KIAA1755: variants seen among roughly 807,000 people sequenced by gnomAD.
The protein encoded by KIAA1755 is KIAA1755, also known as uncharacterized protein KIAA1755.
KIAA1755 carries 68 observed loss-of-function variants against 91.7 expected under a neutral mutation model. That is an observed-to-expected ratio of 0.74 (90% confidence interval 0.61 to 0.91). The LOEUF (loss-of-function observed/expected upper bound fraction) is 0.91. Among genes scored for constraint, KIAA1755 ranks in the 40% least tolerant of loss-of-function variants. The probability of loss-of-function intolerance (pLI) is 0.00; values close to 1 mark genes in which losing one functional copy is unlikely to be tolerated. For missense variants in KIAA1755, 1,535 were observed against 1,494.4 expected, an observed-to-expected ratio of 1.03 and a Z score of -0.45; for synonymous variants, 610 against 604.6, an observed-to-expected ratio of 1.01 and a Z score of -0.13.
Position 38,213,515 on chromosome 20 carries a change from T to C in KIAA1755, c.3130A>G (p.Ile1044Val), listed in dbSNP as rs2075488870. Residue 1044 changes from isoleucine (I) to valine (V), a missense_variant, in exon 14 of 14, where the codon ATC becomes GTC. Physicochemically the swap from Ile to Val is conservative, Grantham distance 29 (BLOSUM62 3). Transcript: ENST00000279024. ...AGTGCCTTCTCCAGGAGCATCCGGATCTCCTCATGCCTGATCCGGGCCTCC... is the reference window on the plus strand; with the variant it reads ...AGTGCCTTCTCCAGGAGCATCCGGACCTCCTCATGCCTGATCCGGGCCTCC... ...WEEARIRHEE[I>V]RMLLEKALTH... 1 of 1,610,670 alleles carries C rather than the reference T, an allele frequency of 6.2e-7. No individual in the cohort carries two copies. Among genetic ancestry groups the C allele is most frequent in the South Asian group, 1.1e-5 (1 of 90,432 alleles).
intron 2 of KIAA1755, among the ~76,000 whole-genome samples, chr20:38,245,387 T>G (rs2076139637): frequency 6.6e-6 from 1 of 152,228 alleles, no homozygotes; most frequent in South Asian, 2.1e-4. Context: ...TGAGGCCTGA[T>G]CCACCCTTCC....
intron 1 of KIAA1755, among the ~76,000 whole-genome samples, chr20:38,249,830 G>A (rs147417459): frequency 6.6e-6 from 1 of 151,738 alleles, no homozygotes; most frequent in Non-Finnish European, 1.5e-5. Flanking sequence ...GTCAAACTCT[G>A]ACATTTCCCA....
At chr20:38,248,313 G>A (rs563903537) in intron 1 of KIAA1755, among the ~76,000 whole-genome samples, 80 of 152,310 alleles carry the variant, frequency 5.3e-4, no homozygotes, top group African/African-American at 1.8e-3. Flanking sequence ...ACATAGAGCG[G>A]GAGCCAAGGA....
chr20:38,243,546 G>A (rs564506857), intron 2 of KIAA1755, among the ~76,000 whole-genome samples: 1 of 152,354 alleles, frequency 6.6e-6, no homozygotes, highest in African/African-American at 2.4e-5. Flanking sequence ...TCAGTTTGAT[G>A]TAGGCAGTCC....
chr20:38,221,260 G>A (rs893302065), intron 10 of KIAA1755, among the ~76,000 whole-genome samples: 18 of 152,224 alleles, frequency 1.2e-4, no homozygotes, highest in African/African-American at 3.1e-4. Flanking sequence ...CAGCTCATGT[G>A]GGACCACAGT....
rs937433963 is a variant in KIAA1755, at chr20:38,241,340, T to C, written c.791A>G (p.Asp264Gly). ...ARCGEVAFRM[D>G]EVVSQDFEGD... ...CTCGAAGTCCTGGCTGACCACCTCG[T>C]CCATCCTGAAAGCCACCTCCCCACA... Residue 264 changes from aspartate (D) to glycine (G), a missense_variant, in exon 3 of 14, where the codon GAC (aspartate) becomes GGC (glycine). By Grantham distance (94) the Asp-to-Gly change is moderately conservative. Transcript: ENST00000279024. The C allele has an allele frequency of 6.2e-7, 1 of 1,614,054 alleles. No individual in the cohort carries two copies. Among genetic ancestry groups the C allele is most frequent in the African/African-American group, 1.3e-5 (1 of 74,910 alleles).
At chr20:38,239,779 A>G in intron 3 of KIAA1755, 54 bp from the exon 4 acceptor site, 1 of 1,484,686 alleles carries the variant, frequency 6.7e-7, no homozygotes, top group Non-Finnish European at 9.3e-7. Flanking sequence ...TGGGCTTTCT[A>G]AGGGGAAAAC....
chr20:38,247,468 A>C (rs776340986), intron 1 of KIAA1755, among the ~76,000 whole-genome samples: 2 of 152,136 alleles, frequency 1.3e-5, no homozygotes, highest in Non-Finnish European at 2.9e-5. Flanking sequence ...GTCAGCTGTC[A>C]ACTCCTCCAG....
chr20:38,258,705 C>T (rs1047356253), intron 1 of KIAA1755, among the ~76,000 whole-genome samples: 5 of 152,048 alleles, frequency 3.3e-5, no homozygotes, highest in South Asian at 2.1e-4. Context: ...CAGCAGGGAG[C>T]GTGAACCATA....
At chr20:38,218,421 T>C in intron 11 of KIAA1755, 55 bp from the exon 12 acceptor site, 1 of 1,604,014 alleles carries the variant, frequency 6.2e-7, no homozygotes, top group South Asian at 1.1e-5. Flanking sequence ...ACCTCCCTTG[T>C]CCAGCTCCCC....
intron 4 of KIAA1755, among the ~76,000 whole-genome samples, chr20:38,234,105 C>G (rs561333918): frequency 5.0e-4 from 76 of 152,246 alleles, no homozygotes; most frequent in African/African-American, 1.8e-3. Flanking sequence ...CTTCCAGCCT[C>G]CAGACCTATG....
chr20:38,240,290 T>C (rs2076032287), intron 3 of KIAA1755, among the ~76,000 whole-genome samples: 4 of 152,148 alleles, frequency 2.6e-5, no homozygotes. Flanking sequence ...ACATTCCCAT[T>C]GCACAGATAG....
chr20:38,218,847 C>T (rs370090852), intron 11 of KIAA1755, among the ~76,000 whole-genome samples: 1 of 152,174 alleles, frequency 6.6e-6, no homozygotes, highest in Non-Finnish European at 1.5e-5. Context: ...TGGTAAGCCA[C>T]TCCCCCTTTC....
At chr20:38,229,973 T>G (rs960898837) in intron 5 of KIAA1755, among the ~76,000 whole-genome samples, 1 of 152,168 alleles carries the variant, frequency 6.6e-6, no homozygotes, top group African/African-American at 2.4e-5. Context: ...ATGGCTCCAG[T>G]GGGGTGGGAT....
intron 1 of KIAA1755, among the ~76,000 whole-genome samples, chr20:38,246,462 G>A (rs1373272131): frequency 7.0e-6 from 1 of 142,484 alleles, no homozygotes; most frequent in Admixed American, 6.9e-5. Flanking sequence ...AGGGGTGGGG[G>A]GTGGGCATTC....
intron 5 of KIAA1755, among the ~76,000 whole-genome samples, chr20:38,229,744 G>C (rs1394780486): frequency 6.6e-6 from 1 of 152,174 alleles, no homozygotes. Flanking sequence ...TTGGTCCTTA[G>C]AGCCCTCTTG....
intron 4 of KIAA1755, among the ~76,000 whole-genome samples, chr20:38,238,121 A>G (rs1470441705): frequency 6.6e-6 from 1 of 152,128 alleles, no homozygotes; most frequent in East Asian, 1.9e-4. Context: ...CAGGGAGCTA[A>G]TGATAGAGTT....
intron 1 of KIAA1755, among the ~76,000 whole-genome samples, chr20:38,248,244 A>C (rs563148027): frequency 6.6e-6 from 1 of 152,268 alleles, no homozygotes; most frequent in South Asian, 2.1e-4. Flanking sequence ...ATAATAAATA[A>C]ATAGCGGAAA....
At chr20:38,215,764 G>GA (rs1408681818) in intron 13 of KIAA1755, among the ~76,000 whole-genome samples, 1 of 152,182 alleles carries the variant, frequency 6.6e-6, no homozygotes, top group Non-Finnish European at 1.5e-5. Context: ...GCAAGGCAAA[G>GA]AAGCTACCAG....
Sources: gnomAD v4.1 joint callset for allele counts (sites outside exome capture counted in the v4.1 genomes callset) on GRCh38, gnomAD v4.1.1 for gene constraint, MANE v1.5 for transcripts, NCBI Gene and HGNC (gene_info 2026-07-23, HGNC 2026-07-21) for gene names.